The following WWOX variants were observed in gnomAD, a reference collection of about 807,000 sequenced individuals.
WWOX encodes WW domain containing oxidoreductase.
In WWOX, 69 loss-of-function variants were observed where a neutral mutation model predicts 46.2. That is an observed-to-expected ratio of 1.49 (90% confidence interval 1.23 to 1.82). The LOEUF (loss-of-function observed/expected upper bound fraction) is 1.82, where lower values mean the gene tolerates loss of function less well. Ranked by LOEUF, WWOX falls within the 40% of genes most tolerant of loss-of-function variation. WWOX has a pLI of 0.00. For synonymous variants in WWOX, 359 were observed against 202.6 expected, an observed-to-expected ratio of 1.77 and a Z score of -6.56; for missense variants, 919 against 542.6, an observed-to-expected ratio of 1.69 and a Z score of -6.89.
intron 5 of WWOX, among the ~76,000 whole-genome samples, chr16:78,264,059 G>GGTTTGTTT (rs1340936329): frequency 4.6e-5 from 5 of 107,888 alleles, no homozygotes; most frequent in South Asian, 3.2e-4. Context: ...ATCTCTGGAT[G>GGTTTGTTT]GTTTGTTTCT....
intron 5 of WWOX, among the ~76,000 whole-genome samples, chr16:78,221,615 G>A (rs1356888040): frequency 6.6e-6 from 1 of 152,162 alleles, no homozygotes; most frequent in Non-Finnish European, 1.5e-5. Context: ...AGCAGGACCC[G>A]AGTACTATAG....
At chr16:79,024,907 C>G (rs577413457) in intron 8 of WWOX, among the ~76,000 whole-genome samples, 3 of 152,294 alleles carry the variant, frequency 2.0e-5, no homozygotes, top group Admixed American at 6.5e-5. Flanking sequence ...GGGAGTCAGG[C>G]TGGTGAAGAA....
intron 6 of WWOX, among the ~76,000 whole-genome samples, chr16:78,392,933 C>A (rs1311608366): frequency 2.6e-5 from 4 of 152,092 alleles, no homozygotes; most frequent in South Asian, 2.1e-4. Context: ...GAAGCCTCAG[C>A]CTGCTTCCAG....
chr16:78,436,169 C>T (rs141600625), intron 8 of WWOX, among the ~76,000 whole-genome samples: 1 of 152,154 alleles, frequency 6.6e-6, no homozygotes, highest in African/African-American at 2.4e-5. Context: ...GTGAGCAGTG[C>T]CTTGGTCCCG....
chr16:78,809,057 G>A (rs1218829841), intron 8 of WWOX, among the ~76,000 whole-genome samples: 1 of 152,040 alleles, frequency 6.6e-6, no homozygotes. Context: ...CAGCTAATGA[G>A]CTATGGGCCC....
intron 8 of WWOX, among the ~76,000 whole-genome samples, chr16:78,635,736 G>A (rs552415909): frequency 6.6e-5 from 10 of 152,238 alleles, no homozygotes; most frequent in Admixed American, 2.6e-4. Flanking sequence ...TGTCGTCATC[G>A]TCCTTATGAA....
chr16:78,938,772 G>A (rs1448822328), intron 8 of WWOX, among the ~76,000 whole-genome samples: 1 of 152,056 alleles, frequency 6.6e-6, no homozygotes, highest in African/African-American at 2.4e-5. Flanking sequence ...AGTGAGGTAT[G>A]GCCCATTATA....
intron 8 of WWOX, among the ~76,000 whole-genome samples, chr16:78,652,022 G>A (rs905990963): frequency 6.6e-6 from 1 of 152,054 alleles, no homozygotes; most frequent in Admixed American, 6.6e-5. Context: ...TGTATTATTG[G>A]CATTCCTAGG....
intron 8 of WWOX, among the ~76,000 whole-genome samples, chr16:78,829,365 CTT>C (rs2051750940): frequency 6.6e-6 from 1 of 152,152 alleles, no homozygotes; most frequent in South Asian, 2.1e-4. Context: ...CTTACTCAGA[CTT>C]TTGTTTTATT....
chr16:78,703,925 A>C (rs897754030), intron 8 of WWOX, among the ~76,000 whole-genome samples: 5 of 152,082 alleles, frequency 3.3e-5, no homozygotes, highest in Non-Finnish European at 5.9e-5. Context: ...TTATTTTTAA[A>C]AACTTGGTAA....
chr16:78,890,268 A>C (rs914920140), intron 8 of WWOX: 1 of 152,238 alleles, frequency 6.6e-6, no homozygotes, highest in African/African-American at 2.4e-5. Flanking sequence ...AAGAAACATC[A>C]ATAAATAAAA....
At chr16:78,211,446 C>T (rs573929082) in intron 5 of WWOX, among the ~76,000 whole-genome samples, 1 of 152,134 alleles carries the variant, frequency 6.6e-6, no homozygotes, top group Non-Finnish European at 1.5e-5. Context: ...CTGAGGTGAC[C>T]TTTGAGCTGA....
chr16:79,035,850 C>T (rs189607652), intron 8 of WWOX, among the ~76,000 whole-genome samples: 1 of 152,344 alleles, frequency 6.6e-6, no homozygotes, highest in Admixed American at 6.5e-5. Flanking sequence ...CTGCCTCTGC[C>T]TCCCAAAGTG....
At chr16:78,262,927 C>G (rs540407056) in intron 5 of WWOX, among the ~76,000 whole-genome samples, 1 of 152,294 alleles carries the variant, frequency 6.6e-6, no homozygotes, top group Admixed American at 6.5e-5. Flanking sequence ...CTTTGAAACA[C>G]TATCAAACAA....
At chr16:78,410,408 C>T (rs1340305798) in intron 6 of WWOX, among the ~76,000 whole-genome samples, 2 of 152,078 alleles carry the variant, frequency 1.3e-5, no homozygotes, top group African/African-American at 4.8e-5. Context: ...ATGTGGACTT[C>T]TTTGGGGGAC....
At chr16:78,439,903 G>C (rs1282624952) in intron 8 of WWOX, among the ~76,000 whole-genome samples, 1 of 152,212 alleles carries the variant, frequency 6.6e-6, no homozygotes, top group Non-Finnish European at 1.5e-5. Flanking sequence ...ACAGATGGGA[G>C]GGATGAGGCT....
At chr16:79,160,502 C>G (rs933655244) in intron 8 of WWOX, among the ~76,000 whole-genome samples, 2 of 152,166 alleles carry the variant, frequency 1.3e-5, no homozygotes, top group Non-Finnish European at 2.9e-5. Flanking sequence ...TAGGACTGCT[C>G]TAAGGATTAA....
chr16:79,084,530 C>G (rs574724676), intron 8 of WWOX, among the ~76,000 whole-genome samples: 2 of 152,170 alleles, frequency 1.3e-5, no homozygotes, highest in African/African-American at 2.4e-5. Flanking sequence ...AGTCGATTCT[C>G]CTGCCTCCTG....
chr16:78,363,482 T>G, intron 5 of WWOX, among the ~76,000 whole-genome samples: 1 of 152,010 alleles, frequency 6.6e-6, no homozygotes, highest in Non-Finnish European at 1.5e-5. Context: ...TCTTGCTGTG[T>G]TTCCCAGGCT....
Sources: allele counts gnomAD v4.1 joint callset (sites outside exome capture counted in the v4.1 genomes callset), GRCh38; gene constraint gnomAD v4.1.1; transcripts MANE v1.5; gene names NCBI Gene and HGNC (gene_info 2026-07-23, HGNC 2026-07-21).